The following SCAI variants were observed in gnomAD, a reference collection of about 807,000 sequenced individuals.
SCAI encodes suppressor of cancer cell invasion.
Under a neutral mutation model 92.2 loss-of-function variants are expected in SCAI, and 24 were observed. The ratio of observed to expected loss-of-function variants is 0.26; its 90% confidence interval spans 0.19 to 0.37. SCAI has a LOEUF of 0.37. SCAI is among the 10% of genes least tolerant of loss of function. The probability of loss-of-function intolerance (pLI) is 1.00; values close to 1 mark genes in which losing one functional copy is unlikely to be tolerated. For missense variants in SCAI, 450 were observed against 736.2 expected (o/e 0.61, Z 4.50); for synonymous variants, 261 against 258.6 (o/e 1.01, Z -0.09).
At chr9:125,134,840 C>A (rs890627586) in intron 2 of SCAI, among the ~76,000 whole-genome samples, 1 of 152,308 alleles carries the variant, frequency 6.6e-6, no homozygotes, top group South Asian at 2.1e-4. Context: ...CCACGCCAGG[C>A]TAATTTTGTA....
chr9:125,047,153 G>T (rs1833460425), intron 3 of SCAI, among the ~76,000 whole-genome samples: 1 of 152,040 alleles, frequency 6.6e-6, no homozygotes, highest in South Asian at 2.1e-4. Flanking sequence ...CTGGAGATAG[G>T]GCCTTTAAAG....
chr9:125,007,437 C>T (rs1443879776), intron 9 of SCAI, among the ~76,000 whole-genome samples: 1 of 152,106 alleles, frequency 6.6e-6, no homozygotes, highest in Non-Finnish European at 1.5e-5. Flanking sequence ...TGCCTATAAT[C>T]CCAACATTTG....
chr9:124,986,291 A>AAAAAT (rs1461432344), intron 14 of SCAI, among the ~76,000 whole-genome samples: 4 of 152,236 alleles, frequency 2.6e-5, no homozygotes. Context: ...ACTCCGTCTC[A>AAAAAT]AAAATAAAAT....
intron 2 of SCAI, among the ~76,000 whole-genome samples, chr9:125,072,431 T>TAG (rs1397137171): frequency 1.3e-5 from 2 of 152,192 alleles, no homozygotes; most frequent in Non-Finnish European, 1.5e-5. Flanking sequence ...CAGTGTTTAA[T>TAG]AAACTGAGTA....
intron 14 of SCAI, 38 bp from the exon 15 acceptor site, chr9:124,976,224 T>G (rs1421240657): frequency 1.4e-6 from 2 of 1,388,194 alleles, no homozygotes; most frequent in South Asian, 1.2e-5. Flanking sequence ...CATTAAAGAT[T>G]TGACCAAAGA....
rs1831393443 is a variant in SCAI, at chr9:124,959,501, T to TATAC, written c.1675-6549_1675-6548insGTAT. On this transcript the variant is annotated intron_variant, in intron 17 of 17. Transcript: ENST00000336505. ...ATATATATACACACACACATATATATACACATATATATATATACACACATA... is the reference window on the plus strand; with the variant it reads ...ATATATATACACACACACATATATATATACACACATATATATATATACACACATA... Among the ~76,000 whole-genome samples the TATAC allele has an allele frequency of 4.2e-5, 6 of 144,560 alleles. No homozygotes were observed. In the Admixed American group the frequency reaches 4.2e-4, roughly 10 times the overall value. The allele number at this position is 144,560 out of a possible 152,430, so 94.8% of individuals were successfully genotyped here.
intron 12 of SCAI, 67 bp from the exon 13 acceptor site, chr9:125,000,057 C>G: frequency 1.5e-6 from 1 of 671,352 alleles, no homozygotes; most frequent in South Asian, 2.1e-5. Context: ...TGTTCAAATA[C>G]AAAGGTACTG....
intron 15 of SCAI, chr9:124,974,083 CTCTG>C (rs1273092663): frequency 7.4e-6 from 2 of 271,438 alleles, no homozygotes; most frequent in East Asian, 2.8e-4. Flanking sequence ...GCCCATCAGG[CTCTG>C]TCTATCTGCC....
chr9:125,011,950 G>T (rs60331251), intron 9 of SCAI, among the ~76,000 whole-genome samples: 1 of 152,110 alleles, frequency 6.6e-6, no homozygotes, highest in Non-Finnish European at 1.5e-5. Context: ...AAGTGAAGGA[G>T]AAATAAAATA....
intron 2 of SCAI, among the ~76,000 whole-genome samples, chr9:125,098,093 T>G (rs181264785): frequency 1.3e-5 from 2 of 152,042 alleles, no homozygotes; most frequent in East Asian, 3.9e-4. Flanking sequence ...CTCACTCTGT[T>G]GCCCAGGCTA....
intron 14 of SCAI, among the ~76,000 whole-genome samples, chr9:124,991,483 C>T (rs139946669): frequency 0.011 from 1,578 of 148,646 alleles, 28 homozygotes; most frequent in African/African-American, 0.037. Context: ...CTATATAAAA[C>T]ATATATAGCA....
At chr9:125,043,692 C>G (rs1833376724) in intron 3 of SCAI, among the ~76,000 whole-genome samples, 1 of 152,222 alleles carries the variant, frequency 6.6e-6, no homozygotes, top group South Asian at 2.1e-4. Context: ...GCGATCTCCA[C>G]TCACTGCAAC....
chr9:125,142,813 A>T (rs1030353691), intron 1 of SCAI, 136 bp from the exon 2 acceptor site: 2 of 708,664 alleles, frequency 2.8e-6, no homozygotes, highest in Non-Finnish European at 5.0e-6. Context: ...CTGACCTTAC[A>T]AACGCCTCAT....
At chr9:125,032,519 G>A (rs903754836) in intron 3 of SCAI, among the ~76,000 whole-genome samples, 2 of 151,082 alleles carry the variant, frequency 1.3e-5, no homozygotes, top group African/African-American at 2.4e-5. Context: ...TTGCACCATT[G>A]GGATATCTTG....
intron 2 of SCAI, among the ~76,000 whole-genome samples, chr9:125,115,423 A>G (rs1468264473): frequency 2.0e-5 from 3 of 151,400 alleles, no homozygotes; most frequent in Non-Finnish European, 4.4e-5. Context: ...ACCAGAGTAC[A>G]CTTTCTAAAT....
chr9:125,011,417 G>A (rs1832637305), intron 9 of SCAI, among the ~76,000 whole-genome samples: 1 of 152,184 alleles, frequency 6.6e-6, no homozygotes, highest in Non-Finnish European at 1.5e-5. Context: ...GCGATCAACT[G>A]GAAGAAAGGG....
chr9:125,077,543 T>C (rs554215318), intron 2 of SCAI, among the ~76,000 whole-genome samples: 1 of 152,190 alleles, frequency 6.6e-6, no homozygotes, highest in Non-Finnish European at 1.5e-5. Context: ...CCAAAGTGAA[T>C]GTACCATTTC....
At chr9:125,139,227 AC>A (rs1835611094) in intron 2 of SCAI, among the ~76,000 whole-genome samples, 1 of 152,244 alleles carries the variant, frequency 6.6e-6, no homozygotes, top group South Asian at 2.1e-4. Context: ...AGCCTGAGCA[AC>A]ATGGTAAAAC....
chr9:125,138,705 T>C (rs891089021), intron 2 of SCAI, among the ~76,000 whole-genome samples: 12 of 152,104 alleles, frequency 7.9e-5, no homozygotes, highest in African/African-American at 4.8e-5. Context: ...TGAGCCATCG[T>C]GCCCGGCCCA....
Sources: gnomAD v4.1 joint callset for allele counts (sites outside exome capture counted in the v4.1 genomes callset) on GRCh38, gnomAD v4.1.1 for gene constraint, MANE v1.5 for transcripts, NCBI Gene and HGNC (gene_info 2026-07-23, HGNC 2026-07-21) for gene names.